The following C5orf24 variants were observed in gnomAD, a reference collection of about 807,000 sequenced individuals.
C5orf24 encodes UPF0461 protein C5orf24.
Under a neutral mutation model 9.8 loss-of-function variants are expected in C5orf24, and 4 were observed. The observed-to-expected ratio is 0.41, with a 90% CI of 0.20 to 0.93. C5orf24 has a LOEUF of 0.93. Ranked by LOEUF, C5orf24 falls within the 40% of genes least tolerant of loss-of-function variation. The pLI is 0.33. For missense variants in C5orf24, 170 were observed against 236.9 expected (o/e 0.72, Z 1.85); for synonymous variants, 73 against 81.3 (o/e 0.90, Z 0.55).
At chr5:134,842,034 A>T (rs1755900504), upstream of C5orf24, among the ~76,000 whole-genome samples, 1 of 152,110 alleles carries the variant, frequency 6.6e-6, no homozygotes. Context: ...AAGTTTATAG[A>T]ATTTTAGAAT....
Position 134,850,937 on chromosome 5 carries a change from T to TATATATATACAC in C5orf24, c.-3-3960_-3-3959insTATATATACACA, listed in dbSNP as rs762710710. On this transcript the variant is annotated intron_variant, in intron 1 of 1. Transcript: ENST00000394976. ...GAATGTTCATATATATATATATATA[T>TATATATATACAC]ACACACACACACACACACTACACAC... Among the ~76,000 whole-genome samples the TATATATATACAC allele has an allele frequency of 6.1e-5, 9 of 147,052 alleles. No homozygotes were observed. In the East Asian group the frequency reaches 7.8e-4, roughly 13 times the overall value.
At chr5:134,841,760 A>G (rs2150169861), upstream of C5orf24, among the ~76,000 whole-genome samples, 1 of 152,296 alleles carries the variant, frequency 6.6e-6, no homozygotes, top group East Asian at 1.9e-4. Flanking sequence ...TGTCACTTTC[A>G]TTGACTAGTG....
intron 1 of C5orf24, among the ~76,000 whole-genome samples, chr5:134,849,648 T>TC: frequency 2.9e-4 from 1 of 3,422 alleles, no homozygotes; most frequent in Non-Finnish European, 7.9e-4. Context: ...AGTCAGTGTC[T>TC]TTTTTTTTTT....
chr5:134,849,559 G>T (rs1228712385), intron 1 of C5orf24, among the ~76,000 whole-genome samples: 1 of 147,590 alleles, frequency 6.8e-6, no homozygotes, highest in Non-Finnish European at 1.5e-5. Context: ...TTATTAAGTA[G>T]AATACTGTAC....
chr5:134,859,048 G>C lies in C5orf24; in HGVS notation c.*3581G>C, dbSNP rs544888379. The C allele has an allele frequency of 1.4e-4, 24 of 166,718 alleles. No homozygotes were observed. In the East Asian group the frequency reaches 4.1e-3, roughly 28 times the overall value. 10.3% of individuals were successfully genotyped at this position (166,718 alleles called of 1,614,324 possible). A position where few individuals can be genotyped will look rare whatever the true frequency, so the allele number is the denominator to read the frequency against. On this transcript the variant is annotated 3_prime_UTR_variant, in exon 2 of 2. Transcript: ENST00000394976. ...AATATATATGTGGGTCCATTTATTA[G>C]GTTAAAGTTGACCCATTCAGTGTAA...
chr5:134,841,948 T>C (rs1020496518), upstream of C5orf24, among the ~76,000 whole-genome samples: 3 of 152,168 alleles, frequency 2.0e-5, no homozygotes, highest in Admixed American at 6.6e-5. Context: ...CTTTGTGCAA[T>C]GTGAGTCTAA....
In C5orf24 at chr5:134,856,622, C is replaced by A; in HGVS notation, c.*1155C>A. 1 of 701,816 alleles carries A rather than the reference C, an allele frequency of 1.4e-6. No homozygotes were observed. The highest frequency in any genetic ancestry group is 1.8e-6 in the Non-Finnish European group (1 of 558,256). The allele number at this position is 701,816 out of a possible 1,614,324, so 43.5% of individuals were successfully genotyped here. On this transcript the variant is annotated 3_prime_UTR_variant, in exon 2 of 2. Transcript: ENST00000394976. ...TGCCACTGCACTCCAGCCTGGGTGA[C>A]AGAGTAAGACTCCGTCTCAAATAAA...
chr5:134,844,239 T>C (rs553673718), upstream of C5orf24, among the ~76,000 whole-genome samples: 53 of 152,366 alleles, frequency 3.5e-4, no homozygotes, highest in Admixed American at 1.7e-3. Flanking sequence ...TTAGATAGGC[T>C]ACTTAATATG....
the C5orf24 span, among the ~76,000 whole-genome samples, chr5:134,835,651 A>G: frequency 6.6e-6 from 1 of 152,182 alleles, no homozygotes; most frequent in African/African-American, 2.4e-5. Flanking sequence ...TCTCAAAAAG[A>G]AAAGCAGGAA....
chr5:134,855,051 A>G lies in C5orf24; in HGVS notation c.151A>G (p.Met51Val), dbSNP rs755049819. ...KYSHTVNHKP[M>V]VCQRQDPLNE... Reference sequence around the variant, plus strand: ...CAGCCACACAGTCAACCACAAACCAATGGTTTGTCAGAGGCAAGACCCATT... The same window carrying G: ...CAGCCACACAGTCAACCACAAACCAGTGGTTTGTCAGAGGCAAGACCCATT... The change falls in exon 2 of 2, where the codon ATG (methionine) becomes GTG (valine). Residue 51 changes from methionine to valine, a missense_variant. Physicochemically the swap from Met to Val is conservative, Grantham distance 21. Transcript: ENST00000394976. The G allele has an allele frequency of 1.3e-5, 21 of 1,614,018 alleles. No homozygotes were observed. Among genetic ancestry groups the G allele is most frequent in the Non-Finnish European group, 1.7e-5 (20 of 1,180,032 alleles).
chr5:134,843,649 C>T (rs1755932349), upstream of C5orf24, among the ~76,000 whole-genome samples: 3 of 152,078 alleles, frequency 2.0e-5, no homozygotes. Context: ...CTCCGCCTCC[C>T]AGGTTCAAGC....
At position 134,855,472 on chromosome 5, in the gene C5orf24, G is replaced by T; in HGVS notation, c.*5G>T. ...GTCAAACCACCCAATGAGTGAATGA[G>T]GCAGGAAAAGAGGGCCAGGTTTAGA... is the stretch of plus-strand genomic sequence containing the variant. On this transcript the variant is annotated 3_prime_UTR_variant, in exon 2 of 2. Coordinates refer to ENST00000394976, the MANE Select transcript of C5orf24 (RefSeq NM_001135586.1). 9.3e-6 allele frequency: 15 copies of T among 1,613,596 alleles called. No homozygotes were observed. Among genetic ancestry groups the T allele is most frequent in the Non-Finnish European group, 1.3e-5 (15 of 1,179,922 alleles).
At chr5:134,842,981 C>T (rs1357566848), upstream of C5orf24, among the ~76,000 whole-genome samples, 1 of 151,764 alleles carries the variant, frequency 6.6e-6, no homozygotes, top group Non-Finnish European at 1.5e-5. Flanking sequence ...TATTTGTCCC[C>T]ATAATTTTTT....
chr5:134,839,953 C>T, the C5orf24 span, among the ~76,000 whole-genome samples: 1 of 152,140 alleles, frequency 6.6e-6, no homozygotes, highest in South Asian at 2.1e-4. Flanking sequence ...GCCTCAGGCT[C>T]CCAAAGTGCT....
chr5:134,851,256 CT>C (rs1204213770), intron 1 of C5orf24, among the ~76,000 whole-genome samples: 1 of 151,992 alleles, frequency 6.6e-6, no homozygotes, highest in Admixed American at 6.6e-5. Context: ...CTGGCATTTG[CT>C]TTTCTTCCAT....
At position 134,855,546 on chromosome 5, in the gene C5orf24, C is replaced by G. The variant is rs1756288635; in HGVS notation, c.*79C>G. On this transcript the variant is annotated 3_prime_UTR_variant, in exon 2 of 2. Transcript: ENST00000394976. ...AGCTTCTTGGTTTTATTTTGATATACATAATTTTATGGCCTGGGCTTTCCA... is the reference window on the plus strand; with the variant it reads ...AGCTTCTTGGTTTTATTTTGATATAGATAATTTTATGGCCTGGGCTTTCCA... 1.3e-6 allele frequency: 2 copies of G among 1,554,814 alleles called. No individual in the cohort carries two copies. Among genetic ancestry groups the G allele is most frequent in the Non-Finnish European group, 1.7e-6 (2 of 1,157,124 alleles).
At chr5:134,849,688 C>T (rs1756103153) in intron 1 of C5orf24, among the ~76,000 whole-genome samples, 1 of 117,448 alleles carries the variant, frequency 8.5e-6, no homozygotes, top group African/African-American at 3.2e-5. Flanking sequence ...GAGAGAGTCT[C>T]ACTCTGTTGC....
At chr5:134,834,627 G>A in the C5orf24 span, among the ~76,000 whole-genome samples, 1 of 152,148 alleles carries the variant, frequency 6.6e-6, no homozygotes, top group African/African-American at 2.4e-5. Flanking sequence ...TCCTGAAAAT[G>A]TGTCTGGGGT....
In C5orf24 at chr5:134,858,071, T is replaced by A; in HGVS notation, c.*2604T>A. The A allele has an allele frequency of 6.0e-6, 1 of 167,146 alleles. No individual in the cohort carries two copies. The allele number at this position is 167,146 out of a possible 1,614,324, so 10.4% of individuals were successfully genotyped here. On this transcript the variant is annotated 3_prime_UTR_variant, in exon 2 of 2. Transcript: ENST00000394976. ...ATGTTTATGAAATGGTGAGATCAAC[T>A]AAAGGAGGCATGTTCATAACAGTGT...
Sources: gnomAD v4.1 joint callset for allele counts (sites outside exome capture counted in the v4.1 genomes callset) on GRCh38, gnomAD v4.1.1 for gene constraint, MANE v1.5 for transcripts, NCBI Gene and HGNC (gene_info 2026-07-23, HGNC 2026-07-21) for gene names.